Variants in PARD3 observed in about 807,000 individuals in gnomAD.
PARD3 encodes par-3 family cell polarity regulator.
A neutral mutation model predicts 155.4 loss-of-function variants in PARD3; 75 were observed. The ratio of observed to expected loss-of-function variants is 0.48; its 90% CI spans 0.40 to 0.58. The LOEUF (loss-of-function observed/expected upper bound fraction) is 0.58, where lower values mean the gene tolerates loss of function less well. PARD3 is among the 20% of genes least tolerant of loss of function. The pLI is 0.00. For missense variants in PARD3, 1,642 were observed against 1,721.7 expected, an observed-to-expected ratio of 0.95 and a Z score of 0.82; for synonymous variants, 576 against 610.5, an observed-to-expected ratio of 0.94 and a Z score of 0.83.
chr10:34,749,831 C>A (rs939391116), intron 1 of PARD3, among the ~76,000 whole-genome samples: 23 of 151,894 alleles, frequency 1.5e-4, no homozygotes, highest in African/African-American at 4.1e-4. Flanking sequence ...GACCAGCCTG[C>A]GCAACATGGT....
At chr10:34,549,779 G>A (rs2084388332) in intron 2 of PARD3, among the ~76,000 whole-genome samples, 1 of 152,016 alleles carries the variant, frequency 6.6e-6, no homozygotes, top group Non-Finnish European at 1.5e-5. Context: ...AAGTCACCAT[G>A]TCTGTCTTTA....
chr10:34,529,330 A>G (rs1589892748), intron 2 of PARD3, among the ~76,000 whole-genome samples: 1 of 152,204 alleles, frequency 6.6e-6, no homozygotes, highest in South Asian at 2.1e-4. Context: ...AGAACTGACT[A>G]AAGAATATAA....
chr10:34,381,698 G>C (rs189768931), intron 9 of PARD3, among the ~76,000 whole-genome samples: 9 of 151,884 alleles, frequency 5.9e-5, no homozygotes, highest in Non-Finnish European at 1.3e-4. Flanking sequence ...TTGGGAAGCC[G>C]AGGTAGAAGG....
At chr10:34,757,589 T>A (rs1774306446) in intron 1 of PARD3, among the ~76,000 whole-genome samples, 1 of 151,462 alleles carries the variant, frequency 6.6e-6, no homozygotes, top group African/African-American at 2.4e-5. Context: ...CTCACGCCTA[T>A]AAACCCAGCT....
chr10:34,283,799 T>C (rs1413995526), intron 21 of PARD3, among the ~76,000 whole-genome samples: 1 of 151,954 alleles, frequency 6.6e-6, no homozygotes, highest in African/African-American at 2.4e-5. Context: ...TATCCATATA[T>C]CAGGCAGGAT....
At chr10:34,508,457 T>C (rs2081214747) in intron 3 of PARD3, among the ~76,000 whole-genome samples, 1 of 152,146 alleles carries the variant, frequency 6.6e-6, no homozygotes, top group Non-Finnish European at 1.5e-5. Context: ...AAATTTGAAT[T>C]GTGAGGTAAA....
intron 7 of PARD3, among the ~76,000 whole-genome samples, 182 bp downstream of exon 7, chr10:34,399,145 CTCT>C (rs1332828942): frequency 6.6e-6 from 1 of 152,128 alleles, no homozygotes; most frequent in Non-Finnish European, 1.5e-5. Flanking sequence ...TGCAAAACCT[CTCT>C]TCATCAGGCT....
chr10:34,286,371 A>T (rs1956390568), intron 20 of PARD3, among the ~76,000 whole-genome samples: 1 of 150,412 alleles, frequency 6.6e-6, no homozygotes, highest in African/African-American at 2.4e-5. Context: ...GAATTAGCAT[A>T]TAACAACATC....
At chr10:34,771,067 G>A (rs1057371937) in intron 1 of PARD3, among the ~76,000 whole-genome samples, 1 of 152,152 alleles carries the variant, frequency 6.6e-6, no homozygotes, top group African/African-American at 2.4e-5. Context: ...AAGGAGGGAA[G>A]GAAGAATACC....
intron 2 of PARD3, among the ~76,000 whole-genome samples, chr10:34,577,840 CTAGAA>C (rs759073100): frequency 1.3e-5 from 2 of 150,286 alleles, no homozygotes; most frequent in Non-Finnish European, 3.0e-5. Flanking sequence ...TTAGTCAATG[CTAGAA>C]TAAACTTTTT....
chr10:34,689,957 A>G (rs2094022326), intron 2 of PARD3, among the ~76,000 whole-genome samples: 1 of 151,910 alleles, frequency 6.6e-6, no homozygotes, highest in African/African-American at 2.4e-5. Flanking sequence ...TTATTTATTT[A>G]TTTATGAGAC....
chr10:34,698,681 A>G (rs2094218365), intron 1 of PARD3, among the ~76,000 whole-genome samples: 1 of 152,200 alleles, frequency 6.6e-6, no homozygotes, highest in Non-Finnish European at 1.5e-5. Context: ...TGCTGGGATG[A>G]TAGGCATGAG....
intron 22 of PARD3, among the ~76,000 whole-genome samples, chr10:34,177,166 T>C (rs1219834949): frequency 6.6e-6 from 1 of 152,178 alleles, no homozygotes; most frequent in Non-Finnish European, 1.5e-5. Context: ...ACAGGTACGC[T>C]GAAGGCAAGA....
chr10:34,483,394 A>C (rs1221423370), intron 3 of PARD3, among the ~76,000 whole-genome samples: 1 of 149,058 alleles, frequency 6.7e-6, no homozygotes, highest in Non-Finnish European at 1.5e-5. Flanking sequence ...AGGCAGGATA[A>C]TTGCTTGAGC....
intron 2 of PARD3, among the ~76,000 whole-genome samples, chr10:34,528,950 G>C (rs960290049): frequency 6.6e-6 from 1 of 152,182 alleles, no homozygotes; most frequent in Non-Finnish European, 1.5e-5. Context: ...TTGGTATGTG[G>C]TGGATGGGTG....
At chr10:34,111,943 A>G (rs7101044) in intron 24 of PARD3, among the ~76,000 whole-genome samples, 100 of 152,318 alleles carry the variant, frequency 6.6e-4, no homozygotes, top group African/African-American at 2.3e-3. Context: ...GGTAGGAATA[A>G]TTGCTCGCTT....
At chr10:34,482,334 G>A (rs974014515) in intron 3 of PARD3, among the ~76,000 whole-genome samples, 4 of 151,734 alleles carry the variant, frequency 2.6e-5, no homozygotes, top group Admixed American at 2.6e-4. Flanking sequence ...GCCCGACCTG[G>A]CTAATGTTTC....
chr10:34,737,246 G>A (rs976507425), intron 1 of PARD3, among the ~76,000 whole-genome samples: 7 of 152,202 alleles, frequency 4.6e-5, no homozygotes, highest in African/African-American at 1.7e-4. Context: ...CATACAATGT[G>A]CCTTTCACTT....
chr10:34,791,338 G>A (rs1841591615), intron 1 of PARD3, among the ~76,000 whole-genome samples: 1 of 152,112 alleles, frequency 6.6e-6, no homozygotes, highest in African/African-American at 2.4e-5. Flanking sequence ...CCACACTGCT[G>A]GCAGCCGCAA....
Sources: gnomAD v4.1 joint callset for allele counts (sites outside exome capture counted in the v4.1 genomes callset) on GRCh38, gnomAD v4.1.1 for gene constraint, MANE v1.5 for transcripts, NCBI Gene and HGNC (gene_info 2026-07-23, HGNC 2026-07-21) for gene names.